Variants in TNR observed in about 807,000 individuals in gnomAD.
TNR encodes the protein tenascin R, also known as tenascin-R.
TNR carries 45 observed loss-of-function variants against 150.4 expected under a neutral mutation model. The observed-to-expected ratio is 0.30, with a 90% CI of 0.24 to 0.38. The LOEUF (loss-of-function observed/expected upper bound fraction) is 0.38, where lower values mean the gene tolerates loss of function less well. Among genes scored for constraint, TNR ranks in the 10% least tolerant of loss-of-function variants. TNR has a pLI of 1.00. For synonymous variants in TNR, 687 were observed against 678.4 expected, an observed-to-expected ratio of 1.01 and a Z score of -0.20; for missense variants, 1,544 against 1,759.1, an observed-to-expected ratio of 0.88 and a Z score of 2.19.
At chr1:175,338,627 T>C (rs1035494265) in intron 18 of TNR, among the ~76,000 whole-genome samples, 1 of 152,160 alleles carries the variant, frequency 6.6e-6, no homozygotes, top group Non-Finnish European at 1.5e-5. Flanking sequence ...CTTGAACTGT[T>C]GCAGTCAGGA....
At chr1:175,503,913 G>A (rs184239277) in intron 2 of TNR, among the ~76,000 whole-genome samples, 4 of 152,292 alleles carry the variant, frequency 2.6e-5, no homozygotes, top group Non-Finnish European at 5.9e-5. Flanking sequence ...AATTGTGCCC[G>A]CATGGAATGC....
At chr1:175,698,582 G>A (rs1273551443) in intron 1 of TNR, among the ~76,000 whole-genome samples, 5 of 152,152 alleles carry the variant, frequency 3.3e-5, no homozygotes, top group African/African-American at 4.8e-5. Context: ...GCTCATGCCT[G>A]TAATCTCAGC....
chr1:175,396,476 A>C, intron 5 of TNR, 68 bp downstream of exon 5: 1 of 1,552,496 alleles, frequency 6.4e-7, no homozygotes, highest in Non-Finnish European at 8.8e-7. Context: ...AGACGCTACT[A>C]TCATGAATGC....
At chr1:175,575,683 T>C (rs1295141393) in intron 1 of TNR, among the ~76,000 whole-genome samples, 2 of 152,152 alleles carry the variant, frequency 1.3e-5, no homozygotes, top group Non-Finnish European at 2.9e-5. Flanking sequence ...CCTTGAAGGC[T>C]AGATTGAATG....
chr1:175,440,388 G>C (rs549968699), intron 2 of TNR, among the ~76,000 whole-genome samples: 44 of 149,708 alleles, frequency 2.9e-4, no homozygotes, highest in South Asian at 8.6e-4. Flanking sequence ...GGTGGCGGGT[G>C]GGGGGAGGGA....
intron 5 of TNR, 61 bp downstream of exon 5, chr1:175,396,483 A>G: frequency 2.6e-6 from 4 of 1,556,082 alleles, no homozygotes; most frequent in Non-Finnish European, 3.5e-6. Flanking sequence ...ACTATCATGA[A>G]TGCCCATGAT....
intron 15 of TNR, among the ~76,000 whole-genome samples, chr1:175,357,293 T>G (rs116520757): frequency 6.6e-6 from 1 of 152,236 alleles, no homozygotes; most frequent in African/African-American, 2.4e-5. Context: ...TTCAAGCTGT[T>G]GATAAAACTG....
intron 2 of TNR, among the ~76,000 whole-genome samples, chr1:175,518,587 T>C (rs1337906448): frequency 6.6e-6 from 1 of 152,182 alleles, no homozygotes; most frequent in Non-Finnish European, 1.5e-5. Context: ...GCTCTAGTTG[T>C]CATGATGAAT....
At chr1:175,419,281 T>C (rs1360028654) in intron 2 of TNR, among the ~76,000 whole-genome samples, 5 of 152,222 alleles carry the variant, frequency 3.3e-5, no homozygotes. Flanking sequence ...TATTGGACTT[T>C]TAAATGTGTT....
intron 10 of TNR, among the ~76,000 whole-genome samples, chr1:175,366,968 G>T (rs1342960292): frequency 6.6e-6 from 1 of 152,222 alleles, no homozygotes; most frequent in Non-Finnish European, 1.5e-5. Flanking sequence ...GCCCTGAGCA[G>T]CTCTTCAGAC....
chr1:175,370,252 G>A (rs1485142714), intron 9 of TNR, among the ~76,000 whole-genome samples: 1 of 149,394 alleles, frequency 6.7e-6, no homozygotes, highest in Non-Finnish European at 1.5e-5. Flanking sequence ...ATGAGTCAAA[G>A]TGTTTAAAGT....
At chr1:175,676,855 ACCCAGGAC>A (rs1365111667) in intron 1 of TNR, among the ~76,000 whole-genome samples, 1 of 152,160 alleles carries the variant, frequency 6.6e-6, no homozygotes, top group Non-Finnish European at 1.5e-5. Flanking sequence ...TACAAGAAGA[ACCCAGGAC>A]TCCTCGATCT....
chr1:175,543,012 A>C (rs890634192), intron 1 of TNR, among the ~76,000 whole-genome samples: 3 of 152,198 alleles, frequency 2.0e-5, no homozygotes, highest in Admixed American at 6.5e-5. Context: ...CAGTGCTCAG[A>C]AGGGCCTTGT....
chr1:175,392,594 T>C (rs1653227364), intron 6 of TNR, among the ~76,000 whole-genome samples: 1 of 152,232 alleles, frequency 6.6e-6, no homozygotes, highest in African/African-American at 2.4e-5. Context: ...GTAACTCAAT[T>C]GCCACATTTT....
intron 1 of TNR, among the ~76,000 whole-genome samples, chr1:175,728,223 T>C (rs1350234282): frequency 6.6e-6 from 1 of 152,042 alleles, no homozygotes; most frequent in African/African-American, 2.4e-5. Context: ...TATGGATGGC[T>C]AAAAAGAGGC....
At chr1:175,456,443 G>A (rs1028290898) in intron 2 of TNR, among the ~76,000 whole-genome samples, 1 of 152,148 alleles carries the variant, frequency 6.6e-6, no homozygotes, top group East Asian at 1.9e-4. Context: ...CCACAAAGGC[G>A]AGGATTTTTG....
chr1:175,563,248 A>G (rs1661501708), intron 1 of TNR, among the ~76,000 whole-genome samples: 1 of 152,242 alleles, frequency 6.6e-6, no homozygotes, highest in Non-Finnish European at 1.5e-5. Flanking sequence ...GAAAAAGGGA[A>G]TGGAGAAAGC....
chr1:175,415,693 T>C (rs1233945714), intron 2 of TNR, among the ~76,000 whole-genome samples: 3 of 152,212 alleles, frequency 2.0e-5, no homozygotes, highest in Non-Finnish European at 2.9e-5. Flanking sequence ...CAGCTTCTGG[T>C]CTTGTCCTGG....
intron 1 of TNR, among the ~76,000 whole-genome samples, chr1:175,594,391 A>G (rs1047914572): frequency 4.6e-5 from 7 of 152,170 alleles, no homozygotes; most frequent in Admixed American, 6.5e-5. Flanking sequence ...TCCATCAGAA[A>G]TACACCTATT....
Sources: gnomAD v4.1 joint callset for allele counts (sites outside exome capture counted in the v4.1 genomes callset) on GRCh38, gnomAD v4.1.1 for gene constraint, MANE v1.5 for transcripts, NCBI Gene and HGNC (gene_info 2026-07-23, HGNC 2026-07-21) for gene names.